Variants in RBFOX1 observed in about 807,000 individuals in gnomAD.
The protein encoded by RBFOX1 is RNA binding fox-1 homolog 1.
RBFOX1 carries 8 observed loss-of-function variants against 57.7 expected under a neutral mutation model. The observed-to-expected ratio is 0.14, with a 90% CI of 0.08 to 0.25. The LOEUF is 0.25. RBFOX1 is among the 10% of genes least tolerant of loss of function. The probability of loss-of-function intolerance (pLI) is 1.00; values close to 1 mark genes in which losing one functional copy is unlikely to be tolerated. For missense variants in RBFOX1, 611 were observed against 548.5 expected (o/e 1.11, Z -1.14); for synonymous variants, 326 against 222.4 (o/e 1.47, Z -4.15).
chr16:6,551,191 A>T, intron 2 of RBFOX1, among the ~76,000 whole-genome samples: 1 of 152,194 alleles, frequency 6.6e-6, no homozygotes, highest in East Asian at 1.9e-4. Context: ...AACTCAGGAT[A>T]AGCAGCTTCT....
upstream of RBFOX1, among the ~76,000 whole-genome samples, chr16:6,017,020 C>G (rs1266929823): frequency 1.3e-5 from 2 of 152,150 alleles, no homozygotes; most frequent in Non-Finnish European, 2.9e-5. Flanking sequence ...TCTATCTAAG[C>G]CTATTTCTAC....
intron 3 of RBFOX1, among the ~76,000 whole-genome samples, chr16:6,801,345 G>A (rs561781192): frequency 5.3e-5 from 8 of 152,228 alleles, no homozygotes; most frequent in Non-Finnish European, 1.0e-4. Context: ...TCTTGGTAAT[G>A]GTCAGGCTTA....
chr16:7,376,612 A>T (rs1442479215), intron 4 of RBFOX1, among the ~76,000 whole-genome samples: 2 of 152,186 alleles, frequency 1.3e-5, no homozygotes, highest in African/African-American at 4.8e-5. Context: ...TTATGTAATT[A>T]ATTACAACTG....
Position 5,829,293 on chromosome 16 carries a change from T to C in RBFOX1, c.319-38010T>C, listed in dbSNP as rs186582662. The stretch of plus-strand genomic sequence containing the variant: ...TTATCCTGAATGCTAAGGGAAGTTA[T>C]TGAAGGGTTTCAAGCAGGGGAGTCA... On this transcript the variant is annotated intron_variant, in intron 3 of 19. Coordinates refer to the RBFOX1 transcript ENST00000641259. Among the ~76,000 whole-genome samples, 9 of 152,214 alleles carry C rather than the reference T, an allele frequency of 5.9e-5. No homozygotes were observed. In the East Asian group the frequency reaches 1.2e-3, roughly 20 times the overall value.
At chr16:7,065,477 A>T (rs2097886911) in intron 4 of RBFOX1, among the ~76,000 whole-genome samples, 1 of 152,148 alleles carries the variant, frequency 6.6e-6, no homozygotes, top group Non-Finnish European at 1.5e-5. Context: ...TTCTGCAGCA[A>T]AGCTGCCATC....
At chr16:5,383,509 C>T (rs2066181104) in intron 1 of RBFOX1, among the ~76,000 whole-genome samples, 1 of 152,198 alleles carries the variant, frequency 6.6e-6, no homozygotes, top group Non-Finnish European at 1.5e-5. Context: ...CTAGTTGAAT[C>T]ATATCAAAGA....
At chr16:5,922,456 C>G (rs1211735569) in intron 4 of RBFOX1, among the ~76,000 whole-genome samples, 1 of 152,178 alleles carries the variant, frequency 6.6e-6, no homozygotes, top group East Asian at 1.9e-4. Context: ...CCTTGTCTTG[C>G]TGGAGCAAGG....
chr16:7,519,612 C>G (rs188170245), intron 5 of RBFOX1: 3 of 761,734 alleles, frequency 3.9e-6, no homozygotes, highest in Non-Finnish European at 4.8e-6. Flanking sequence ...ATCATGCATA[C>G]CACAAAACCT....
intron 4 of RBFOX1, among the ~76,000 whole-genome samples, chr16:7,461,252 C>G (rs973942068): frequency 1.3e-5 from 2 of 151,958 alleles, no homozygotes; most frequent in Admixed American, 6.6e-5. Flanking sequence ...ACTGCAACCT[C>G]CACCTCCCAG....
At chr16:6,790,987 C>G (rs1289092351) in intron 3 of RBFOX1, among the ~76,000 whole-genome samples, 1 of 151,918 alleles carries the variant, frequency 6.6e-6, no homozygotes, top group Non-Finnish European at 1.5e-5. Context: ...CTCACTGCGT[C>G]TTCTGGCTCT....
chr16:7,251,097 T>C (rs2094483948), intron 4 of RBFOX1, among the ~76,000 whole-genome samples: 1 of 152,144 alleles, frequency 6.6e-6, no homozygotes. Context: ...AAACAAAAGA[T>C]TTCTTGAAAC....
chr16:7,653,702 G>A lies in RBFOX1; in HGVS notation c.758-113G>A, dbSNP rs143224307. On this transcript the variant is annotated intron_variant, in intron 11 of 15. Coordinates refer to ENST00000550418, the MANE Select transcript of RBFOX1 (RefSeq NM_018723.4). ...CCTCTTGATTCCGGGAAGCGGGCGG[G>A]GGTCCTGCTGGGACCCTGTGCAGGG... 8.3e-3 allele frequency: 12,151 copies of A among 1,460,850 alleles called. 88 individuals are homozygous for A. Among genetic ancestry groups the A allele is most frequent in the Middle Eastern group, 0.019 (89 of 4,740 alleles). The allele number at this position is 1,460,850 out of a possible 1,614,324, so 90.5% of individuals were successfully genotyped here. A position where few individuals can be genotyped will look rare whatever the true frequency, so the allele number is the denominator to read the frequency against.
intron 1 of RBFOX1, among the ~76,000 whole-genome samples, chr16:5,251,265 C>T (rs1431679130): frequency 6.6e-6 from 1 of 152,234 alleles, no homozygotes; most frequent in Non-Finnish European, 1.5e-5. Context: ...CTTCAGTTTC[C>T]TCAAAAGTAA....
intron 4 of RBFOX1, among the ~76,000 whole-genome samples, chr16:7,172,882 C>G (rs996443552): frequency 3.9e-5 from 6 of 152,158 alleles, no homozygotes; most frequent in Admixed American, 3.9e-4. Context: ...CAATTTGAAA[C>G]TGACCTGCCA....
chr16:6,670,112 C>G (rs1380709857), intron 3 of RBFOX1, among the ~76,000 whole-genome samples: 1 of 152,168 alleles, frequency 6.6e-6, no homozygotes, highest in Non-Finnish European at 1.5e-5. Context: ...ACCTCACCCT[C>G]CTGGGCACAA....
intron 2 of RBFOX1, among the ~76,000 whole-genome samples, chr16:5,519,575 A>G (rs567226711): frequency 6.8e-4 from 104 of 152,258 alleles, no homozygotes; most frequent in African/African-American, 2.3e-3. Context: ...AATAAAAAAA[A>G]TTATCCAGGT....
chr16:6,955,374 G>C lies in RBFOX1; in HGVS notation c.-15-96683G>C, dbSNP rs546417536. On this transcript the variant is annotated intron_variant, in intron 3 of 15. Transcript: ENST00000550418. ...CACACACACACACACACACACACAC[G>C]TGCACATACACACACTCAAAACCCC... Among the ~76,000 whole-genome samples, 3 of 125,560 alleles carry C rather than the reference G, an allele frequency of 2.4e-5. No individual in the cohort carries two copies. The East Asian group carries it at 6.8e-4, about 29-fold the overall frequency. The allele number at this position is 125,560 out of a possible 152,430, so 82.4% of individuals were successfully genotyped here. A position where few individuals can be genotyped will look rare whatever the true frequency, so the allele number is the denominator to read the frequency against.
chr16:6,791,701 G>T (rs1340123676), intron 3 of RBFOX1, among the ~76,000 whole-genome samples: 1 of 152,320 alleles, frequency 6.6e-6, no homozygotes, highest in Non-Finnish European at 1.5e-5. Flanking sequence ...AGAGGTTGCA[G>T]TGAGCAGAGA....
chr16:5,813,130 C>T (rs909387314), intron 3 of RBFOX1, among the ~76,000 whole-genome samples: 34 of 151,856 alleles, frequency 2.2e-4, no homozygotes, highest in African/African-American at 8.0e-4. Context: ...GCCTCAGCCT[C>T]CCGAGTAGCT....
Sources: gnomAD v4.1 joint callset for allele counts (sites outside exome capture counted in the v4.1 genomes callset) on GRCh38, gnomAD v4.1.1 for gene constraint, MANE v1.5 for transcripts, NCBI Gene and HGNC (gene_info 2026-07-23, HGNC 2026-07-21) for gene names.